ZNF804B: variants seen among roughly 807,000 people sequenced by gnomAD.
The protein encoded by ZNF804B is zinc finger 804B.
A neutral mutation model predicts 101.4 loss-of-function variants in ZNF804B; 80 were observed. The observed-to-expected ratio is 0.79, with a 90% CI of 0.66 to 0.95. ZNF804B has a LOEUF of 0.95. Ranked by LOEUF, ZNF804B falls within the 40% of genes least tolerant of loss-of-function variation. The probability of loss-of-function intolerance (pLI) is 0.00; values close to 1 mark genes in which losing one functional copy is unlikely to be tolerated. For missense variants in ZNF804B, 1,673 were observed against 1,561.9 expected (o/e 1.07, Z -1.20); for synonymous variants, 622 against 558.8 (o/e 1.11, Z -1.59).
intron 2 of ZNF804B, among the ~76,000 whole-genome samples, chr7:89,315,201 T>C (rs1790707110): frequency 6.6e-6 from 1 of 152,066 alleles, no homozygotes; most frequent in Non-Finnish European, 1.5e-5. Flanking sequence ...TCATGTCTCA[T>C]GAGAACTCAC....
chr7:88,789,040 A>G (rs910576754), intron 1 of ZNF804B, among the ~76,000 whole-genome samples: 23 of 152,136 alleles, frequency 1.5e-4, no homozygotes, highest in Non-Finnish European at 2.8e-4. Context: ...TTCTGCCTAT[A>G]TAGAAACATA....
At chr7:89,062,805 A>C (rs115400052) in intron 1 of ZNF804B, among the ~76,000 whole-genome samples, 1 of 152,124 alleles carries the variant, frequency 6.6e-6, no homozygotes, top group African/African-American at 2.4e-5. Context: ...TAATTCCTAC[A>C]TACTTATTTA....
chr7:89,030,651 G>A lies in ZNF804B; in HGVS notation c.109-187504G>A, dbSNP rs760221897. The stretch of plus-strand genomic sequence containing the variant: ...ATCTCTCAAGTAAATTTTAGAAAAC[G>A]GTGTTTTCCATTTCCCTTGTCTTTT... On this transcript the variant is annotated intron_variant, in intron 1 of 3. Coordinates refer to ENST00000333190, the MANE Select transcript of ZNF804B (RefSeq NM_181646.5). Among the ~76,000 whole-genome samples, 4 of 151,916 alleles carry A rather than the reference G, an allele frequency of 2.6e-5. No homozygotes were observed. The East Asian group carries it at 5.8e-4, about 22-fold the overall frequency.
chr7:89,331,167 A>G (rs1436446936), intron 3 of ZNF804B, among the ~76,000 whole-genome samples: 1 of 151,618 alleles, frequency 6.6e-6, no homozygotes, highest in Non-Finnish European at 1.5e-5. Context: ...GAGAAGATTA[A>G]CTTAATCCAG....
rs10229566 is a variant in ZNF804B at position 88,810,968 on chromosome 7, G to C, written c.108+50884G>C. On this transcript the variant is annotated intron_variant, in intron 1 of 3. Coordinates refer to ENST00000333190, the MANE Select transcript of ZNF804B (RefSeq NM_181646.5). ...AGTTATCCTACAGAAAGATGAACCAGTTTATGCCCAGGAGTTGCTTCTTAG... is the reference window on the plus strand; with the variant it reads ...AGTTATCCTACAGAAAGATGAACCACTTTATGCCCAGGAGTTGCTTCTTAG... 2.1e-3 allele frequency among the ~76,000 whole-genome samples: 325 copies of C among 151,976 alleles called. 1 individual carries two copies. The highest frequency in any genetic ancestry group is 7.6e-3 in the African/African-American group (314 of 41,446).
At chr7:88,853,787 G>C (rs1394692174) in intron 1 of ZNF804B, among the ~76,000 whole-genome samples, 1 of 152,024 alleles carries the variant, frequency 6.6e-6, no homozygotes, top group Non-Finnish European at 1.5e-5. Flanking sequence ...ATAAAGCTGA[G>C]TATGCACAGA....
intron 1 of ZNF804B, among the ~76,000 whole-genome samples, chr7:89,164,235 A>G (rs1791109721): frequency 6.6e-6 from 1 of 152,084 alleles, no homozygotes; most frequent in African/African-American, 2.4e-5. Context: ...CTTGACTATT[A>G]CCATCTTGTG....
Position 88,808,431 on chromosome 7 carries a change from T to A in ZNF804B, c.108+48347T>A, listed in dbSNP as rs564861306. 7.9e-5 allele frequency among the ~76,000 whole-genome samples: 12 copies of A among 152,098 alleles called. No homozygotes were observed. In the South Asian group the frequency reaches 2.5e-3, roughly 32 times the overall value. On this transcript the variant is annotated intron_variant, in intron 1 of 3. Transcript: ENST00000333190. Reference sequence around the variant, plus strand: ...CAGGAAAGTAGTCTGGATTTTTTTTTAAGTAGGTCTTCTTTCCTAGGCATT... The same window carrying A: ...CAGGAAAGTAGTCTGGATTTTTTTTAAAGTAGGTCTTCTTTCCTAGGCATT...
In ZNF804B at chr7:88,776,574, T is replaced by G. The variant is rs1221602405; in HGVS notation, c.108+16490T>G. On this transcript the variant is annotated intron_variant, in intron 1 of 3. Transcript: ENST00000333190. The stretch of plus-strand genomic sequence containing the variant: ...CGTGGTGTTTTGTTTTTTTTTTTTT[T>G]TTTTTTTCAGAGCAAATTGAGTTAA... Among the ~76,000 whole-genome samples, 15 of 150,048 alleles carry G rather than the reference T, an allele frequency of 1.0e-4. No homozygotes were observed. In the South Asian group the frequency reaches 1.7e-3, roughly 17 times the overall value.
At chr7:89,110,534 T>C (rs1445143470) in intron 1 of ZNF804B, among the ~76,000 whole-genome samples, 1 of 152,204 alleles carries the variant, frequency 6.6e-6, no homozygotes, top group African/African-American at 2.4e-5. Flanking sequence ...GCTCAAAGAC[T>C]TTAAAAACAA....
At chr7:89,314,969 G>T (rs922215210) in intron 2 of ZNF804B, among the ~76,000 whole-genome samples, 22 of 152,084 alleles carry the variant, frequency 1.4e-4, no homozygotes, top group African/African-American at 5.3e-4. Flanking sequence ...ATCTTGCATT[G>T]CTATAAAGAA....
intron 1 of ZNF804B, among the ~76,000 whole-genome samples, chr7:88,942,276 G>A (rs1378358290): frequency 2.6e-5 from 4 of 151,750 alleles, no homozygotes; most frequent in African/African-American, 9.7e-5. Flanking sequence ...TTGTGCCATC[G>A]CAGGCAACAT....
chr7:88,995,515 A>G (rs1331260673), intron 1 of ZNF804B, among the ~76,000 whole-genome samples: 3 of 152,048 alleles, frequency 2.0e-5, no homozygotes, highest in Non-Finnish European at 4.4e-5. Flanking sequence ...CAAATCAGGC[A>G]CATTGTACAT....
intron 1 of ZNF804B, among the ~76,000 whole-genome samples, chr7:88,966,665 C>T (rs1472596534): frequency 6.6e-6 from 1 of 151,244 alleles, no homozygotes; most frequent in South Asian, 2.1e-4. Context: ...TACTAAGGTG[C>T]TAGTCTTTTC....
At chr7:89,094,418 G>C (rs982959445) in intron 1 of ZNF804B, among the ~76,000 whole-genome samples, 5 of 152,078 alleles carry the variant, frequency 3.3e-5, no homozygotes, top group African/African-American at 1.2e-4. Flanking sequence ...TAAATGCTGA[G>C]AAAGTCTACC....
intron 1 of ZNF804B, among the ~76,000 whole-genome samples, chr7:89,166,974 T>C (rs1791153671): frequency 6.6e-6 from 1 of 152,202 alleles, no homozygotes; most frequent in Non-Finnish European, 1.5e-5. Context: ...TCGGTATTTG[T>C]GTGAATGAGT....
chr7:88,972,724 T>G (rs2116114922), intron 1 of ZNF804B, among the ~76,000 whole-genome samples: 1 of 151,452 alleles, frequency 6.6e-6, no homozygotes, highest in Admixed American at 6.6e-5. Context: ...ATCTCTACAC[T>G]ATTTGAAGAT....
chr7:89,141,892 TA>T (rs1790723393), intron 1 of ZNF804B, among the ~76,000 whole-genome samples: 1 of 147,942 alleles, frequency 6.8e-6, no homozygotes, highest in African/African-American at 2.5e-5. Context: ...AGAAAAAATA[TA>T]TAATAATAAT....
intron 1 of ZNF804B, among the ~76,000 whole-genome samples, chr7:89,216,789 C>G (rs186974361): frequency 7.8e-4 from 119 of 152,304 alleles, no homozygotes; most frequent in Admixed American, 1.4e-3. Context: ...TTCTGGTCAG[C>G]TATTTGCCTA....
Sources: allele counts gnomAD v4.1 joint callset (sites outside exome capture counted in the v4.1 genomes callset), GRCh38; gene constraint gnomAD v4.1.1; transcripts MANE v1.5; gene names NCBI Gene and HGNC (gene_info 2026-07-23, HGNC 2026-07-21).